ANKRD45: variants seen among roughly 807,000 people sequenced by gnomAD.
The protein encoded by ANKRD45 is ankyrin repeat domain-containing protein 45.
ANKRD45 carries 21 observed loss-of-function variants against 28.1 expected under a neutral mutation model. The ratio of observed to expected loss-of-function variants is 0.75; its 90% CI spans 0.53 to 1.08. ANKRD45 has a LOEUF of 1.08. ANKRD45 is among the 50% of genes least tolerant of loss of function. ANKRD45 has a pLI of 0.00. For synonymous variants in ANKRD45, 86 were observed against 103.9 expected, an observed-to-expected ratio of 0.83 and a Z score of 1.05; for missense variants, 261 against 308.7, an observed-to-expected ratio of 0.85 and a Z score of 1.16.
Position 173,609,338 on chromosome 1 carries a change from A to C in ANKRD45, c.*807T>G, listed in dbSNP as rs556628051. ...AGAACGAACAATAAGTGCTTTTTAAAAACCATCTTCTTTTCTATAAAACTT... is the reference window on the plus strand; with the variant it reads ...AGAACGAACAATAAGTGCTTTTTAACAACCATCTTCTTTTCTATAAAACTT... On this transcript the variant is annotated 3_prime_UTR_variant, in exon 6 of 6. Coordinates refer to ENST00000333279, the MANE Select transcript of ANKRD45 (RefSeq NM_198493.3). 1.3e-3 allele frequency among the ~76,000 whole-genome samples: 192 copies of C among 152,356 alleles called. No homozygotes were observed. Among genetic ancestry groups the C allele is most frequent in the Non-Finnish European group, 1.7e-3 (113 of 68,030 alleles).
Position 173,610,135 on chromosome 1 carries a change from G to A in ANKRD45, c.*10C>T, listed in dbSNP as rs1667078072. 9.3e-6 allele frequency: 15 copies of A among 1,612,874 alleles called. No individual in the cohort carries two copies. The highest frequency in any genetic ancestry group is 1.3e-5 in the Non-Finnish European group (15 of 1,179,258). On this transcript the variant is annotated 3_prime_UTR_variant, in exon 6 of 6. Transcript: ENST00000333279. ...CTAAAAGAAAATGTGGCCTTTTACA[G>A]AACGTATGTTCAGTTGGAGGTATCA... is the stretch of plus-strand genomic sequence containing the variant.
At position 173,663,054 on chromosome 1, in the gene ANKRD45, AACAC is replaced by A. The variant is rs60072209; in HGVS notation, c.-15-3625_-15-3622del. ...CTGACATCCAACTCCCCACCCTTCC[AACAC>A]ACACACACACACACACACACACACA... On this transcript the variant is annotated intron_variant, in intron 1 of 5. Coordinates refer to ENST00000333279, the MANE Select transcript of ANKRD45 (RefSeq NM_198493.3). Among the ~76,000 whole-genome samples the A allele has an allele frequency of 9.1e-3, 1,273 of 140,302 alleles. 10 individuals are homozygous for A. The highest frequency in any genetic ancestry group is 0.026 in the South Asian group (109 of 4,262). 92.0% of individuals were successfully genotyped at this position (140,302 alleles called of 152,430 possible).
intron 1 of ANKRD45, chr1:173,667,623 T>C (rs1335780371): frequency 6.3e-6 from 2 of 317,292 alleles, no homozygotes; most frequent in Non-Finnish European, 1.2e-5. Context: ...GGAGAATCAC[T>C]GGAACCCAGG....
chr1:173,670,792 C>T (rs1348346770), upstream of ANKRD45, among the ~76,000 whole-genome samples: 1 of 152,216 alleles, frequency 6.6e-6, no homozygotes, highest in African/African-American at 2.4e-5. Context: ...AGATAGAAAA[C>T]ATCTGAAACT....
intron 2 of ANKRD45, among the ~76,000 whole-genome samples, chr1:173,654,042 G>T (rs150737548): frequency 0.018 from 2,792 of 151,584 alleles, 37 homozygotes; most frequent in Middle Eastern, 0.071. Flanking sequence ...ACACTGATGG[G>T]TCTTGACTCT....
the ANKRD45 span, among the ~76,000 whole-genome samples, chr1:173,702,130 G>T: frequency 6.6e-6 from 1 of 152,200 alleles, no homozygotes; most frequent in Non-Finnish European, 1.5e-5. Context: ...GAAAAGATCA[G>T]ACAGCAACAT....
rs537413050 is a variant in ANKRD45, at chr1:173,645,123, T to C, written c.496+1723A>G. Among the ~76,000 whole-genome samples, 11 of 152,340 alleles carry C rather than the reference T, an allele frequency of 7.2e-5. No homozygotes were observed. In the East Asian group the frequency reaches 2.1e-3, roughly 29 times the overall value. On this transcript the variant is annotated intron_variant, in intron 3 of 5. Transcript: ENST00000333279. ...GATCTAATCATAAAAATAGAAGATA[T>C]TGACATAAGATTGCTTATAGAAAAT...
At chr1:173,673,401 C>T (rs1409036572), upstream of ANKRD45, among the ~76,000 whole-genome samples, 3 of 152,120 alleles carry the variant, frequency 2.0e-5, no homozygotes, top group Non-Finnish European at 4.4e-5. Flanking sequence ...GCATGAACCA[C>T]CACACCCTGC....
rs185549979 is a variant in ANKRD45 at position 173,634,686 on chromosome 1, T to A, written c.497-7527A>T. 4.2e-3 allele frequency among the ~76,000 whole-genome samples: 634 copies of A among 152,122 alleles called. 5 individuals carry two copies. The highest frequency in any genetic ancestry group is 0.015 in the African/African-American group (609 of 41,564). On this transcript the variant is annotated intron_variant, in intron 3 of 5. Coordinates refer to ENST00000333279, the MANE Select transcript of ANKRD45 (RefSeq NM_198493.3). ...AGTTCTCATTTAGTAAAATCTAAAA[T>A]TTTTTAGATTTAGTAAAATGAGAAC...
the ANKRD45 span, among the ~76,000 whole-genome samples, chr1:173,683,248 A>G: frequency 6.6e-6 from 1 of 152,188 alleles, no homozygotes; most frequent in Non-Finnish European, 1.5e-5. Context: ...AGTTACTTAC[A>G]GTTACTTACC....
chr1:173,627,976 C>A (rs980409883), intron 3 of ANKRD45, among the ~76,000 whole-genome samples: 1 of 151,258 alleles, frequency 6.6e-6, no homozygotes, highest in Non-Finnish European at 1.5e-5. Context: ...TCCTGAGGCC[C>A]CCATTCCAGG....
At chr1:173,663,309 C>T (rs1214754732) in intron 1 of ANKRD45, among the ~76,000 whole-genome samples, 1 of 152,150 alleles carries the variant, frequency 6.6e-6, no homozygotes, top group Non-Finnish European at 1.5e-5. Flanking sequence ...AGTTGAAGGG[C>T]ACTCATCGCA....
chr1:173,686,641 G>C, the ANKRD45 span, among the ~76,000 whole-genome samples: 1 of 152,204 alleles, frequency 6.6e-6, no homozygotes, highest in Non-Finnish European at 1.5e-5. Context: ...TAATTTCTAA[G>C]AAATTGACCT....
chr1:173,620,472 C>T (rs374274461), intron 5 of ANKRD45, among the ~76,000 whole-genome samples: 3 of 152,206 alleles, frequency 2.0e-5, no homozygotes, highest in Admixed American at 6.5e-5. Flanking sequence ...GGGAGATTCA[C>T]GGCACTAAAT....
At chr1:173,647,146 C>T (rs1668973606) in intron 2 of ANKRD45, 133 bp from the exon 3 acceptor site, 1 of 763,804 alleles carries the variant, frequency 1.3e-6, no homozygotes, top group Non-Finnish European at 1.9e-6. Flanking sequence ...AACTGTCTTA[C>T]ATATAGAAAA....
At chr1:173,656,587 G>A (rs1669525872) in intron 2 of ANKRD45, among the ~76,000 whole-genome samples, 1 of 152,126 alleles carries the variant, frequency 6.6e-6, no homozygotes, top group South Asian at 2.1e-4. Context: ...GCCCGACATG[G>A]CCAGTTTCAA....
the ANKRD45 span, among the ~76,000 whole-genome samples, chr1:173,687,741 C>A: frequency 6.6e-6 from 1 of 152,038 alleles, no homozygotes; most frequent in African/African-American, 2.4e-5. Context: ...GCAAACAGCT[C>A]GCACATTTGA....
the ANKRD45 span, among the ~76,000 whole-genome samples, chr1:173,678,834 A>C: frequency 6.6e-6 from 1 of 152,214 alleles, no homozygotes; most frequent in Non-Finnish European, 1.5e-5. Context: ...AATCTCCTTA[A>C]CCTGATAAGC....
intron 3 of ANKRD45, among the ~76,000 whole-genome samples, chr1:173,631,781 A>T (rs959096802): frequency 2.0e-5 from 3 of 152,094 alleles, no homozygotes; most frequent in African/African-American, 4.8e-5. Context: ...AATTTTTTAA[A>T]TTCTTGCAAC....
Sources: gnomAD v4.1 joint callset for allele counts (sites outside exome capture counted in the v4.1 genomes callset) on GRCh38, gnomAD v4.1.1 for gene constraint, MANE v1.5 for transcripts, NCBI Gene and HGNC (gene_info 2026-07-23, HGNC 2026-07-21) for gene names.